TEX11: variants seen among roughly 807,000 people sequenced by gnomAD.
TEX11 encodes testis expressed 11, also known as testis-expressed protein 11.
TEX11 carries 7 observed loss-of-function variants against 84.4 expected under a neutral mutation model. That is an observed-to-expected ratio of 0.08 (90% CI 0.05 to 0.16). The LOEUF is 0.16. TEX11 is among the 10% of genes least tolerant of loss of function. The pLI is 1.00. For missense variants in TEX11, 551 were observed against 660.5 expected (o/e 0.83, Z 1.82); for synonymous variants, 264 against 222.8 (o/e 1.18, Z -1.64).
the TEX11 span, among the ~76,000 whole-genome samples, chrX:70,521,436 C>A: frequency 2.7e-5 from 3 of 110,613 alleles, no homozygotes; most frequent in Non-Finnish European, 5.7e-5. Context: ...TCTACCATGC[C>A]CGGCTAATTT....
chrX:70,663,751 G>A (rs888230882), intron 16 of TEX11, among the ~76,000 whole-genome samples: 1 of 111,832 alleles, frequency 8.9e-6, no homozygotes, highest in East Asian at 2.8e-4. Flanking sequence ...AACTTGAGGA[G>A]CTTATTGAAT....
chrX:70,724,414 T>G (rs1399048574), intron 12 of TEX11: 1 of 116,684 alleles, frequency 8.6e-6, no homozygotes, highest in East Asian at 2.8e-4. Context: ...ACTGCCAAAT[T>G]GAATTTTAGT....
intron 2 of TEX11, among the ~76,000 whole-genome samples, chrX:70,900,012 T>A (rs1170651802): frequency 2.9e-5 from 3 of 102,155 alleles, no homozygotes; most frequent in Non-Finnish European, 4.0e-5. Context: ...CTAAAAATAT[T>A]TTTTTAAAAA....
intron 20 of TEX11, among the ~76,000 whole-genome samples, chrX:70,611,808 G>T (rs763115980): frequency 1.8e-5 from 2 of 111,397 alleles, no homozygotes; most frequent in African/African-American, 6.5e-5. Context: ...CAGTCCAGAG[G>T]TATAGGCTTG....
intron 7 of TEX11, among the ~76,000 whole-genome samples, chrX:70,847,143 G>A (rs2091484121): frequency 9.0e-6 from 1 of 111,141 alleles, no homozygotes; most frequent in South Asian, 3.8e-4. Context: ...CTTGTCATGT[G>A]ACATGCCTGC....
chrX:70,895,411 T>A (rs1256409543), intron 2 of TEX11, among the ~76,000 whole-genome samples: 1 of 111,929 alleles, frequency 8.9e-6, no homozygotes, highest in East Asian at 2.8e-4. Flanking sequence ...TGCTCATGGA[T>A]AAGAAGAATA....
At chrX:70,583,257 C>T (rs1456370877) in intron 25 of TEX11, among the ~76,000 whole-genome samples, 1 of 111,219 alleles carries the variant, frequency 9.0e-6, no homozygotes, top group Admixed American at 9.6e-5. Flanking sequence ...AACCCCCTCC[C>T]ACCATCTCAC....
intron 1 of TEX11, among the ~76,000 whole-genome samples, chrX:70,908,096 C>CA (rs2091844002): frequency 9.0e-6 from 1 of 111,462 alleles, no homozygotes; most frequent in African/African-American, 3.3e-5. Context: ...CTAATTGGCT[C>CA]AAAATCCGCT....
chrX:70,872,635 T>A (rs1195003600), intron 4 of TEX11, among the ~76,000 whole-genome samples: 3 of 112,334 alleles, frequency 2.7e-5, no homozygotes, highest in African/African-American at 9.7e-5. Flanking sequence ...TGCCAGACAG[T>A]GGACCACATT....
intron 5 of TEX11, among the ~76,000 whole-genome samples, chrX:70,854,724 G>A (rs2091526119): frequency 9.7e-6 from 1 of 103,452 alleles, no homozygotes. Context: ...CAACAGGCAA[G>A]ACCCTGTTTC....
chrX:70,590,466 A>C (rs988070933), intron 25 of TEX11, among the ~76,000 whole-genome samples: 1 of 111,624 alleles, frequency 9.0e-6, no homozygotes, highest in African/African-American at 3.2e-5. Flanking sequence ...TGATGACTTA[A>C]TTTTATAAAA....
At chrX:70,515,662 T>C in the TEX11 span, among the ~76,000 whole-genome samples, 4 of 112,325 alleles carry the variant, frequency 3.6e-5, no homozygotes, top group African/African-American at 1.3e-4. Flanking sequence ...GTTCAAATGG[T>C]ATTTCTAGTT....
At chrX:70,526,228 G>A (rs774635963), downstream of TEX11, among the ~76,000 whole-genome samples, 4 of 111,782 alleles carry the variant, frequency 3.6e-5, no homozygotes, top group Admixed American at 3.8e-4. Context: ...TACAAATAGG[G>A]AAAGGGGAGA....
At position 70,718,933 on chromosome X, in the gene TEX11, C is replaced by T. The variant is rs773443933; in HGVS notation, c.1004+3685G>A. 2.3e-4 allele frequency among the ~76,000 whole-genome samples: 26 copies of T among 111,680 alleles called. 1 individual carries two copies. The highest frequency in any genetic ancestry group is 4.9e-4 in the Non-Finnish European group (26 of 53,153). ...AGGCCAACTTCTCCCATTAGTCCAG[C>T]TGCATCCCCTTCCCTTCACAGGTGT... is the stretch of plus-strand genomic sequence containing the variant. On this transcript the variant is annotated intron_variant, in intron 13 of 29. Transcript: ENST00000374333.
chrX:70,586,196 A>G (rs1575680), intron 25 of TEX11, among the ~76,000 whole-genome samples: 12,717 of 112,514 alleles, frequency 0.11, 603 homozygotes, highest in Middle Eastern at 0.2. Context: ...TTACCCAAAC[A>G]TATAAGCTAA....
At chrX:70,889,574 A>G (rs1057177899) in intron 2 of TEX11, among the ~76,000 whole-genome samples, 3 of 111,963 alleles carry the variant, frequency 2.7e-5, no homozygotes, top group Non-Finnish European at 3.8e-5. Flanking sequence ...AAAAATAACA[A>G]CTACAACTTT....
intron 9 of TEX11, among the ~76,000 whole-genome samples, chrX:70,766,248 C>T (rs1322654750): frequency 1.8e-5 from 2 of 110,194 alleles, no homozygotes; most frequent in Non-Finnish European, 1.9e-5. Context: ...CCTGGCTCTA[C>T]TAAAAATATA....
intron 24 of TEX11, among the ~76,000 whole-genome samples, chrX:70,598,380 G>T (rs925346670): frequency 2.7e-5 from 3 of 111,678 alleles, no homozygotes; most frequent in African/African-American, 9.8e-5. Flanking sequence ...TGGCAAGGAG[G>T]TGGAGAAATT....
intron 9 of TEX11, among the ~76,000 whole-genome samples, chrX:70,789,133 G>A (rs1253431936): frequency 2.9e-5 from 3 of 103,161 alleles, no homozygotes; most frequent in Non-Finnish European, 3.9e-5. Flanking sequence ...ACAGGAGTAC[G>A]AGACCAGCAC....
Sources: gnomAD v4.1 joint callset for allele counts (sites outside exome capture counted in the v4.1 genomes callset) on GRCh38, gnomAD v4.1.1 for gene constraint, MANE v1.5 for transcripts, NCBI Gene and HGNC (gene_info 2026-07-23, HGNC 2026-07-21) for gene names.